ADAMTSL1: variants seen among roughly 807,000 people sequenced by gnomAD.
ADAMTSL1 encodes the protein ADAMTS-like protein 1.
Under a neutral mutation model 201.8 loss-of-function variants are expected in ADAMTSL1, and 126 were observed. That is an observed-to-expected ratio of 0.62 (90% CI 0.54 to 0.72). The LOEUF is 0.72. Among genes scored for constraint, ADAMTSL1 ranks in the 30% least tolerant of loss-of-function variants. The pLI is 0.00. For missense variants in ADAMTSL1, 2,679 were observed against 2,277.8 expected (o/e 1.18, Z -3.59); for synonymous variants, 1,121 against 903.4 (o/e 1.24, Z -4.32).
At chr9:18,350,313 A>G (rs1835910242) in intron 2 of ADAMTSL1, among the ~76,000 whole-genome samples, 1 of 152,054 alleles carries the variant, frequency 6.6e-6, no homozygotes, top group African/African-American at 2.4e-5. Flanking sequence ...ATGTAGAAGG[A>G]ACTGCTGCTG....
intron 2 of ADAMTSL1, among the ~76,000 whole-genome samples, chr9:18,521,942 T>A (rs1209286879): frequency 6.6e-6 from 1 of 152,188 alleles, no homozygotes; most frequent in Admixed American, 6.5e-5. Flanking sequence ...AACCATCTCT[T>A]ATGCACAGAC....
At chr9:18,235,246 C>G (rs148110889) in intron 2 of ADAMTSL1, among the ~76,000 whole-genome samples, 6 of 152,170 alleles carry the variant, frequency 3.9e-5, no homozygotes, top group Non-Finnish European at 8.8e-5. Context: ...GGTATTTTCT[C>G]GAATGTCTGA....
chr9:18,240,336 T>G (rs960877391), intron 2 of ADAMTSL1, among the ~76,000 whole-genome samples: 4 of 126,310 alleles, frequency 3.2e-5, no homozygotes, highest in Admixed American at 2.5e-4. Flanking sequence ...TGTTTTAAAA[T>G]GAATCTTTTT....
At chr9:18,718,298 G>A in intron 14 of ADAMTSL1, 1 of 748,914 alleles carries the variant, frequency 1.3e-6, no homozygotes, top group Non-Finnish European at 2.5e-6. Context: ...CTAATGCAAA[G>A]CCTTGTCCAT....
intron 2 of ADAMTSL1, among the ~76,000 whole-genome samples, chr9:18,464,892 G>A (rs1820944319): frequency 6.6e-6 from 1 of 152,174 alleles, no homozygotes; most frequent in Non-Finnish European, 1.5e-5. Flanking sequence ...TAGCCATTGA[G>A]CATAGATTTT....
intron 3 of ADAMTSL1, among the ~76,000 whole-genome samples, chr9:18,554,757 C>T (rs889984282): frequency 2.7e-5 from 4 of 150,036 alleles, no homozygotes; most frequent in Non-Finnish European, 5.9e-5. Context: ...CAAAATTGAG[C>T]AGAAAATAGA....
intron 1 of ADAMTSL1, among the ~76,000 whole-genome samples, chr9:17,920,451 G>C (rs995679118): frequency 6.6e-6 from 1 of 152,102 alleles, no homozygotes; most frequent in South Asian, 2.1e-4. Flanking sequence ...AACTACTTTT[G>C]TGTCCAGAAA....
At chr9:18,450,024 A>G (rs988100439) in intron 2 of ADAMTSL1, among the ~76,000 whole-genome samples, 5 of 152,208 alleles carry the variant, frequency 3.3e-5, no homozygotes, top group African/African-American at 1.2e-4. Context: ...ATTCCTAGGT[A>G]TTTATACAAG....
chr9:18,123,067 C>A (rs1825572957), intron 1 of ADAMTSL1, among the ~76,000 whole-genome samples: 1 of 152,152 alleles, frequency 6.6e-6, no homozygotes, highest in Admixed American at 6.6e-5. Flanking sequence ...TTTACCATCA[C>A]TTTTCAAGCT....
chr9:18,656,068 AT>A (rs1828638607), intron 7 of ADAMTSL1, among the ~76,000 whole-genome samples: 1 of 152,070 alleles, frequency 6.6e-6, no homozygotes, highest in African/African-American at 2.4e-5. Flanking sequence ...GGTATGAGAC[AT>A]TCTGTAGGGT....
intron 23 of ADAMTSL1, among the ~76,000 whole-genome samples, chr9:18,869,716 T>C (rs575628784): frequency 1.1e-4 from 17 of 152,310 alleles, no homozygotes; most frequent in African/African-American, 4.1e-4. Context: ...ACATGTAGTC[T>C]AGCTTTTTTT....
At chr9:18,141,992 A>G (rs894698469) in intron 1 of ADAMTSL1, among the ~76,000 whole-genome samples, 2 of 152,232 alleles carry the variant, frequency 1.3e-5, no homozygotes, top group African/African-American at 4.8e-5. Context: ...TTACATCTGT[A>G]TCACCTGGGA....
chr9:17,962,308 C>A (rs1019066156), intron 1 of ADAMTSL1, among the ~76,000 whole-genome samples: 2 of 152,158 alleles, frequency 1.3e-5, no homozygotes, highest in African/African-American at 4.8e-5. Flanking sequence ...GAATTGACTT[C>A]CCTGTGAATA....
intron 1 of ADAMTSL1, among the ~76,000 whole-genome samples, chr9:18,007,171 G>T (rs1819862203): frequency 6.6e-6 from 1 of 151,968 alleles, no homozygotes; most frequent in South Asian, 2.1e-4. Flanking sequence ...TTTAAGCCAG[G>T]TTCCTCAAAC....
intron 1 of ADAMTSL1, among the ~76,000 whole-genome samples, chr9:18,108,108 T>A (rs529389141): frequency 6.6e-6 from 1 of 152,264 alleles, no homozygotes; most frequent in South Asian, 2.1e-4. Context: ...ATTCTTGGTG[T>A]TTAGTTTCCT....
At chr9:18,768,266 C>T (rs1389413238) in intron 16 of ADAMTSL1, among the ~76,000 whole-genome samples, 7 of 152,176 alleles carry the variant, frequency 4.6e-5, no homozygotes, top group Non-Finnish European at 1.0e-4. Context: ...CACTACCCTC[C>T]ATTGGGTCTG....
intron 2 of ADAMTSL1, among the ~76,000 whole-genome samples, chr9:18,208,338 A>G (rs1030636382): frequency 6.6e-6 from 1 of 152,102 alleles, no homozygotes; most frequent in Non-Finnish European, 1.5e-5. Context: ...AACACAAGGG[A>G]ACTTTCTGAC....
intron 2 of ADAMTSL1, among the ~76,000 whole-genome samples, chr9:18,515,671 C>A (rs1818324206): frequency 6.6e-6 from 1 of 152,092 alleles, no homozygotes; most frequent in African/African-American, 2.4e-5. Flanking sequence ...AAAGGAGTTT[C>A]TGTAAAATGA....
At chr9:18,666,128 T>C (rs572754132) in intron 9 of ADAMTSL1, among the ~76,000 whole-genome samples, 3 of 152,290 alleles carry the variant, frequency 2.0e-5, no homozygotes, top group African/African-American at 7.2e-5. Context: ...GAATTTAAGT[T>C]CACTGGACTA....
Sources: gnomAD v4.1 joint callset for allele counts (sites outside exome capture counted in the v4.1 genomes callset) on GRCh38, gnomAD v4.1.1 for gene constraint, MANE v1.5 for transcripts, NCBI Gene and HGNC (gene_info 2026-07-23, HGNC 2026-07-21) for gene names.